SORCS2: variants seen among roughly 807,000 people sequenced by gnomAD.
The protein encoded by SORCS2 is VPS10 domain-containing receptor SorCS2.
A neutral mutation model predicts 141.6 loss-of-function variants in SORCS2; 100 were observed. The ratio of observed to expected loss-of-function variants is 0.71; its 90% confidence interval spans 0.60 to 0.83. The LOEUF (loss-of-function observed/expected upper bound fraction) is 0.83, where lower values mean the gene tolerates loss of function less well. Among genes scored for constraint, SORCS2 ranks in the 40% least tolerant of loss-of-function variants. The pLI is 0.00. For missense variants in SORCS2, 1,646 were observed against 1,560.2 expected (o/e 1.05, Z -0.93); for synonymous variants, 789 against 676.9 (o/e 1.17, Z -2.57).
At chr4:7,535,297 T>C (rs1397927563) in intron 3 of SORCS2, among the ~76,000 whole-genome samples, 2 of 152,208 alleles carry the variant, frequency 1.3e-5, no homozygotes, top group African/African-American at 2.4e-5. Flanking sequence ...CAGGAACTGC[T>C]GTCTCGGAGG....
At chr4:7,514,439 A>G (rs913632967) in intron 2 of SORCS2, among the ~76,000 whole-genome samples, 1 of 151,978 alleles carries the variant, frequency 6.6e-6, no homozygotes, top group Non-Finnish European at 1.5e-5. Context: ...GGGCAGACAG[A>G]TAATAGCAAA....
chr4:7,204,900 G>A (rs879735731), intron 1 of SORCS2, among the ~76,000 whole-genome samples: 1 of 152,322 alleles, frequency 6.6e-6, no homozygotes, highest in Non-Finnish European at 1.5e-5. Flanking sequence ...GCGCGGCCGC[G>A]CTTGCTAAGG....
chr4:7,308,473 T>C (rs534147918), intron 1 of SORCS2, among the ~76,000 whole-genome samples: 1 of 152,186 alleles, frequency 6.6e-6, no homozygotes, highest in Non-Finnish European at 1.5e-5. Flanking sequence ...CGATGCCAGG[T>C]TGACCCTTAC....
intron 11 of SORCS2, 45 bp from the exon 12 acceptor site, chr4:7,697,153 C>G (rs758890461): frequency 2.7e-6 from 4 of 1,509,414 alleles, no homozygotes. Context: ...AGGGGTAAAG[C>G]TGGACGATCC....
intron 2 of SORCS2, among the ~76,000 whole-genome samples, chr4:7,453,737 T>C (rs1263270845): frequency 1.1e-4 from 11 of 102,106 alleles, no homozygotes; most frequent in Non-Finnish European, 1.5e-4. Context: ...GGTCAGGAGC[T>C]GTGTGTTGGG....
intron 21 of SORCS2, 66 bp from the exon 22 acceptor site, chr4:7,728,284 C>A: frequency 8.1e-7 from 1 of 1,241,918 alleles, no homozygotes; most frequent in Non-Finnish European, 1.2e-6. Flanking sequence ...CCCCGACCCC[C>A]ACCCTGGAGC....
At chr4:7,600,476 C>T (rs752160739) in intron 3 of SORCS2, among the ~76,000 whole-genome samples, 4 of 152,184 alleles carry the variant, frequency 2.6e-5, no homozygotes, top group African/African-American at 7.2e-5. Context: ...GGATGTTGAT[C>T]GCGGGAGACA....
chr4:7,661,734 A>T (rs916316312), intron 6 of SORCS2, among the ~76,000 whole-genome samples, 170 bp downstream of exon 6: 1 of 152,044 alleles, frequency 6.6e-6, no homozygotes, highest in African/African-American at 2.4e-5. Flanking sequence ...CCAGCTGGGG[A>T]GGAATCGAAG....
rs1485712859 is a variant in SORCS2, at chr4:7,641,883, G to GGGAT, written c.813+3402_813+3405dup. 1.2e-3 allele frequency among the ~76,000 whole-genome samples: 182 copies of GGGAT among 150,150 alleles called. 1 individual carries two copies. The highest frequency in any genetic ancestry group is 4.1e-3 in the African/African-American group (165 of 40,676). ...GGATGGGTGGGTGGGTGGATGGATG[G>GGGAT]GGATGGATGGATGGGTGGTTGGATG... On this transcript the variant is annotated intron_variant, in intron 4 of 26. Coordinates refer to ENST00000507866, the MANE Select transcript of SORCS2 (RefSeq NM_020777.3).
At chr4:7,395,773 A>G (rs1346010321) in intron 1 of SORCS2, among the ~76,000 whole-genome samples, 1 of 152,138 alleles carries the variant, frequency 6.6e-6, no homozygotes, top group Non-Finnish European at 1.5e-5. Context: ...GTGCCTCCCC[A>G]GGCACCACTC....
rs76334051 is a variant in SORCS2, at chr4:7,672,384, C to G, written c.1162-3666C>G. Reference sequence around the variant, plus strand: ...TCAGAAGGCAGCGAGCTGATACATTCAAAGCGCTGAAAGAATTTGATGAAG... The same window carrying G: ...TCAGAAGGCAGCGAGCTGATACATTGAAAGCGCTGAAAGAATTTGATGAAG... On this transcript the variant is annotated intron_variant, in intron 8 of 26. Transcript: ENST00000507866. Among the ~76,000 whole-genome samples the G allele has an allele frequency of 2.9e-4, 44 of 152,324 alleles. No individual in the cohort carries two copies. In the East Asian group the frequency reaches 8.1e-3, roughly 28 times the overall value.
At chr4:7,463,137 G>A (rs1729412297) in intron 2 of SORCS2, among the ~76,000 whole-genome samples, 1 of 152,124 alleles carries the variant, frequency 6.6e-6, no homozygotes. Context: ...GGATAAAGGG[G>A]CAGTGGGCCA....
At chr4:7,609,417 C>T (rs1044664641) in intron 3 of SORCS2, among the ~76,000 whole-genome samples, 1 of 152,196 alleles carries the variant, frequency 6.6e-6, no homozygotes, top group African/African-American at 2.4e-5. Flanking sequence ...CGCCTCTATA[C>T]AGCCCACCCG....
rs13120812 is a variant in SORCS2 at position 7,583,640 on chromosome 4, C to T, written c.648+52011C>T. 5.4e-3 allele frequency among the ~76,000 whole-genome samples: 823 copies of T among 152,298 alleles called. 4 individuals carry two copies. The highest frequency in any genetic ancestry group is 9.0e-3 in the Non-Finnish European group (614 of 68,034). On this transcript the variant is annotated intron_variant, in intron 3 of 26. Transcript: ENST00000507866. ...TCTGATGGTTTTATGAGTGGAAACC[C>T]CTCTCACTTGGCTCTCATTCTTTCA...
chr4:7,708,091 A>G (rs1305463331), intron 14 of SORCS2, among the ~76,000 whole-genome samples: 1 of 152,138 alleles, frequency 6.6e-6, no homozygotes, highest in Non-Finnish European at 1.5e-5. Context: ...AGGAAATGAC[A>G]TTTCCCTTCC....
chr4:7,199,875 T>C (rs944480007), intron 1 of SORCS2, among the ~76,000 whole-genome samples: 2 of 151,978 alleles, frequency 1.3e-5, no homozygotes, highest in Non-Finnish European at 2.9e-5. Flanking sequence ...CCAAAATCAG[T>C]TCACCTGACC....
chr4:7,737,044 A>G, intron 25 of SORCS2, 25 bp from the exon 26 acceptor site: 1 of 1,550,248 alleles, frequency 6.5e-7, no homozygotes, highest in South Asian at 1.2e-5. Context: ...CTCCAAGCTG[A>G]GCCGCCCTTG....
chr4:7,218,362 G>A (rs915751856), intron 1 of SORCS2, among the ~76,000 whole-genome samples: 1 of 152,146 alleles, frequency 6.6e-6, no homozygotes, highest in African/African-American at 2.4e-5. Flanking sequence ...AGTTTCAGGT[G>A]GAAGCCTTAT....
intron 14 of SORCS2, among the ~76,000 whole-genome samples, 187 bp downstream of exon 14, chr4:7,704,471 C>G (rs6844944): frequency 0.25 from 38,112 of 152,226 alleles, 5,337 homozygotes; most frequent in African/African-American, 0.36. Context: ...GCCACGGCAC[C>G]TCTTGAGCCG....
Sources: gnomAD v4.1 joint callset for allele counts (sites outside exome capture counted in the v4.1 genomes callset) on GRCh38, gnomAD v4.1.1 for gene constraint, MANE v1.5 for transcripts, NCBI Gene and HGNC (gene_info 2026-07-23, HGNC 2026-07-21) for gene names.